GALNTL6: variants seen among roughly 807,000 people sequenced by gnomAD.
GALNTL6 encodes polypeptide N-acetylgalactosaminyltransferase-like 6.
A neutral mutation model predicts 73.7 loss-of-function variants in GALNTL6; 46 were observed. That is an observed-to-expected ratio of 0.62 (90% CI 0.49 to 0.80). The LOEUF is 0.80. Ranked by LOEUF, GALNTL6 falls within the 30% of genes least tolerant of loss-of-function variation. The pLI is 0.00. For synonymous variants in GALNTL6, 259 were observed against 263.7 expected (o/e 0.98, Z 0.17); for missense variants, 604 against 755.0 (o/e 0.80, Z 2.34).
rs569624396 is a variant in GALNTL6 at position 172,868,226 on chromosome 4, CCATCA to C, written c.924-14561_924-14557del. 5.2e-3 allele frequency among the ~76,000 whole-genome samples: 786 copies of C among 152,262 alleles called. 8 individuals carry two copies. Among genetic ancestry groups the C allele is most frequent in the Admixed American group, 0.016 (241 of 15,298 alleles). Reference sequence around the variant, plus strand: ...ATATATGATTCAAATCCTGCAAAGTCCATCACAACACTATGCAAAAATCACAGGCT... The same window carrying C: ...ATATATGATTCAAATCCTGCAAAGTCCAACACTATGCAAAAATCACAGGCT... On this transcript the variant is annotated intron_variant, in intron 7 of 12. Transcript: ENST00000506823.
In GALNTL6 at chr4:172,772,662, CT is replaced by C. The variant is rs1283360094; in HGVS notation, c.554-36690del. ...TCTCAAGATTGTTTTAACTGTTTTA[CT>C]TTTTTTTTAATTTCTATATGATTTT... is the stretch of plus-strand genomic sequence containing the variant. On this transcript the variant is annotated intron_variant, in intron 5 of 12. Coordinates refer to ENST00000506823, the MANE Select transcript of GALNTL6 (RefSeq NM_001034845.3). 1.1e-4 allele frequency among the ~76,000 whole-genome samples: 16 copies of C among 151,222 alleles called. No homozygotes were observed. In the South Asian group the frequency reaches 3.1e-3, roughly 30 times the overall value.
At chr4:171,865,376 C>A (rs1203975094) in intron 2 of GALNTL6, among the ~76,000 whole-genome samples, 1 of 152,096 alleles carries the variant, frequency 6.6e-6, no homozygotes, top group South Asian at 2.1e-4. Flanking sequence ...GTGAGACAGG[C>A]TTATGAGAAG....
chr4:172,813,107 C>T (rs971510294), intron 6 of GALNTL6, among the ~76,000 whole-genome samples: 3 of 152,122 alleles, frequency 2.0e-5, no homozygotes, highest in Admixed American at 6.6e-5. Flanking sequence ...GCTACAAAAA[C>T]CATGAAGTTA....
At position 171,814,402 on chromosome 4, in the gene GALNTL6, T is replaced by A; in HGVS notation, c.-169-10T>A. On this transcript the variant is annotated splice_polypyrimidine_tract_variant and intron_variant, in intron 1 of 12. Coordinates refer to ENST00000506823, the MANE Select transcript of GALNTL6 (RefSeq NM_001034845.3). ...TCTGGGGGGAAAGTAACTGTGCGTT[T>A]GTTCTGCAGATGGCCAACTCCCTCT... 1.6e-6 allele frequency: 1 copy of A among 620,882 alleles called. No individual in the cohort carries two copies. The highest frequency in any genetic ancestry group is 2.9e-5 in the Admixed American group (1 of 34,064). The allele number at this position is 620,882 out of a possible 1,614,324, so 38.5% of individuals were successfully genotyped here.
intron 2 of GALNTL6, among the ~76,000 whole-genome samples, chr4:172,182,840 A>G (rs1735297321): frequency 1.3e-5 from 2 of 152,180 alleles, no homozygotes; most frequent in East Asian, 1.9e-4. Context: ...TATACTCAAT[A>G]TTTTATAAAA....
chr4:172,637,161 C>T (rs575594849), intron 5 of GALNTL6, among the ~76,000 whole-genome samples: 2 of 152,110 alleles, frequency 1.3e-5, no homozygotes, highest in African/African-American at 4.8e-5. Flanking sequence ...TTAGGTATTG[C>T]TAAGTGATAA....
At chr4:172,717,503 G>A (rs1334691063) in intron 5 of GALNTL6, among the ~76,000 whole-genome samples, 2 of 152,178 alleles carry the variant, frequency 1.3e-5, no homozygotes, top group Admixed American at 6.5e-5. Flanking sequence ...GATGGCAGAT[G>A]AGCACCAATT....
At chr4:172,167,697 G>A (rs887472064) in intron 2 of GALNTL6, among the ~76,000 whole-genome samples, 8 of 152,090 alleles carry the variant, frequency 5.3e-5, no homozygotes, top group East Asian at 1.9e-4. Context: ...GGTGGCTCAC[G>A]CCTGTAATCC....
intron 7 of GALNTL6, among the ~76,000 whole-genome samples, chr4:172,871,127 C>T (rs903156709): frequency 1.3e-5 from 2 of 152,184 alleles, no homozygotes; most frequent in African/African-American, 4.8e-5. Flanking sequence ...AGAGTTTCTG[C>T]TCCATACCCT....
In GALNTL6 at chr4:172,251,144, A is replaced by G. The variant is rs114015678; in HGVS notation, c.247+21380A>G. ...AGGGTTTGGTTAAGTCCAAAATCTG[A>G]TGGTGGAGGTTGGCAGGCAGGAGAC... On this transcript the variant is annotated intron_variant, in intron 3 of 12. Coordinates refer to ENST00000506823, the MANE Select transcript of GALNTL6 (RefSeq NM_001034845.3). Among the ~76,000 whole-genome samples the G allele has an allele frequency of 8.1e-3, 1,234 of 152,222 alleles. 7 individuals are homozygous for G. The highest frequency in any genetic ancestry group is 0.014 in the Middle Eastern group (4 of 294).
At chr4:172,370,002 C>T (rs1173759617) in intron 5 of GALNTL6, among the ~76,000 whole-genome samples, 2 of 152,184 alleles carry the variant, frequency 1.3e-5, no homozygotes, top group Admixed American at 6.5e-5. Flanking sequence ...CGAGCAAGTG[C>T]TGCTAGCATG....
At chr4:172,771,233 A>C (rs1310273892) in intron 5 of GALNTL6, among the ~76,000 whole-genome samples, 1 of 152,158 alleles carries the variant, frequency 6.6e-6, no homozygotes, top group Non-Finnish European at 1.5e-5. Flanking sequence ...CAAGTGAAAA[A>C]CTTGCCTGAG....
At chr4:172,760,880 T>C (rs1294224768) in intron 5 of GALNTL6, among the ~76,000 whole-genome samples, 1 of 151,960 alleles carries the variant, frequency 6.6e-6, no homozygotes, top group African/African-American at 2.4e-5. Flanking sequence ...AATGAGAAAA[T>C]TGACAAAGTA....
chr4:171,928,001 T>G lies in GALNTL6; in HGVS notation c.138+113283T>G, dbSNP rs10005702. On this transcript the variant is annotated intron_variant, in intron 2 of 12. Coordinates refer to ENST00000506823, the MANE Select transcript of GALNTL6 (RefSeq NM_001034845.3). ...CTCACTAGAGCTTTTAGTTCATGATTGTATTCCCAGTATTAAAAAATGACT... is the reference window on the plus strand; with the variant it reads ...CTCACTAGAGCTTTTAGTTCATGATGGTATTCCCAGTATTAAAAAATGACT... Among the ~76,000 whole-genome samples the G allele has an allele frequency of 2.6e-5, 4 of 151,954 alleles. No individual in the cohort carries two copies. The South Asian group carries it at 8.3e-4, about 31-fold the overall frequency.
At chr4:172,712,477 GT>G (rs1734768625) in intron 5 of GALNTL6, among the ~76,000 whole-genome samples, 1 of 152,002 alleles carries the variant, frequency 6.6e-6, no homozygotes, top group South Asian at 2.1e-4. Context: ...GGTGTGTGAT[GT>G]TCCCCTTTGA....
chr4:172,271,463 A>G (rs568165460), intron 3 of GALNTL6, among the ~76,000 whole-genome samples: 7 of 152,208 alleles, frequency 4.6e-5, no homozygotes, highest in African/African-American at 9.6e-5. Flanking sequence ...ATATAGTTTG[A>G]TCTTTGCCTA....
intron 3 of GALNTL6, among the ~76,000 whole-genome samples, chr4:172,244,920 T>C (rs1301059570): frequency 6.6e-6 from 1 of 152,194 alleles, no homozygotes; most frequent in East Asian, 1.9e-4. Flanking sequence ...GTAGTTGTGA[T>C]TACTATCAAA....
chr4:172,105,897 G>A (rs1235056236), intron 2 of GALNTL6, among the ~76,000 whole-genome samples: 1 of 152,010 alleles, frequency 6.6e-6, no homozygotes, highest in East Asian at 1.9e-4. Context: ...TGGTAAACTT[G>A]AATATAAATC....
chr4:172,609,621 CTCTCTG>C (rs1389459539), intron 5 of GALNTL6, among the ~76,000 whole-genome samples: 1 of 27,432 alleles, frequency 3.6e-5, no homozygotes, highest in Non-Finnish European at 9.9e-5. Flanking sequence ...CTCTCTCTCT[CTCTCTG>C]TGTGTGTGTG....
Sources: allele counts gnomAD v4.1 joint callset (sites outside exome capture counted in the v4.1 genomes callset), GRCh38; gene constraint gnomAD v4.1.1; transcripts MANE v1.5; gene names NCBI Gene and HGNC (gene_info 2026-07-23, HGNC 2026-07-21).